The following KCNIP4 variants were observed in gnomAD, a reference collection of about 807,000 sequenced individuals.
The protein encoded by KCNIP4 is potassium voltage-gated channel interacting protein 4.
In KCNIP4, 12 loss-of-function variants were observed where a neutral mutation model predicts 34.0. The observed-to-expected ratio is 0.35, with a 90% CI of 0.23 to 0.57. KCNIP4 has a LOEUF of 0.57. KCNIP4 is among the 20% of genes least tolerant of loss of function. KCNIP4 has a pLI of 0.83. For missense variants in KCNIP4, 238 were observed against 311.7 expected, an observed-to-expected ratio of 0.76 and a Z score of 1.78; for synonymous variants, 124 against 102.2, an observed-to-expected ratio of 1.21 and a Z score of -1.29.
intron 3 of KCNIP4, among the ~76,000 whole-genome samples, chr4:20,801,516 T>A (rs979454688): frequency 6.6e-6 from 1 of 152,022 alleles, no homozygotes; most frequent in African/African-American, 2.4e-5. Flanking sequence ...ATATACAATA[T>A]GAAAAGATGT....
intron 1 of KCNIP4, among the ~76,000 whole-genome samples, chr4:21,321,921 G>A (rs538838253): frequency 6.3e-5 from 9 of 143,800 alleles, no homozygotes; most frequent in African/African-American, 2.3e-4. Context: ...AGGAAGGAAG[G>A]AAAAAGGTGG....
At chr4:20,983,949 A>C in intron 1 of KCNIP4, 1 of 1,535,968 alleles carries the variant, frequency 6.5e-7, no homozygotes, top group East Asian at 2.4e-5. Flanking sequence ...AGAGCATCCC[A>C]GCCTCCAGAC....
chr4:21,131,405 CGA>C (rs1751060871), intron 1 of KCNIP4, among the ~76,000 whole-genome samples: 2 of 152,076 alleles, frequency 1.3e-5, no homozygotes, highest in African/African-American at 4.8e-5. Context: ...GTCAGGAAAT[CGA>C]GACCATCCTG....
chr4:20,984,200 G>A (rs1373312942), intron 1 of KCNIP4, among the ~76,000 whole-genome samples: 1 of 152,242 alleles, frequency 6.6e-6, no homozygotes, highest in East Asian at 1.9e-4. Context: ...GCTGCAGCCA[G>A]CGGGCGAGTA....
At chr4:21,125,894 C>A (rs370447155) in intron 1 of KCNIP4, among the ~76,000 whole-genome samples, 34 of 152,062 alleles carry the variant, frequency 2.2e-4, no homozygotes, top group East Asian at 1.2e-3. Context: ...AGCTTATTTT[C>A]TATTTTATGT....
chr4:21,333,124 TC>T (rs1284754257), intron 1 of KCNIP4, among the ~76,000 whole-genome samples: 3 of 152,104 alleles, frequency 2.0e-5, no homozygotes, highest in African/African-American at 7.2e-5. Flanking sequence ...GTCCCTTCAA[TC>T]CCACAGAAAC....
chr4:21,765,481 T>G (rs1326059329), intron 1 of KCNIP4, among the ~76,000 whole-genome samples: 1 of 152,002 alleles, frequency 6.6e-6, no homozygotes, highest in Non-Finnish European at 1.5e-5. Flanking sequence ...ACTTGCTCCC[T>G]GGGGGAAAAG....
At chr4:21,258,430 C>T (rs184245913) in intron 1 of KCNIP4, among the ~76,000 whole-genome samples, 39 of 152,212 alleles carry the variant, frequency 2.6e-4, no homozygotes, top group African/African-American at 7.0e-4. Context: ...TACGTGACCC[C>T]GACCTTTTCT....
intron 3 of KCNIP4, among the ~76,000 whole-genome samples, chr4:20,797,553 C>A (rs574273472): frequency 6.6e-6 from 1 of 152,304 alleles, no homozygotes; most frequent in Non-Finnish European, 1.5e-5. Flanking sequence ...GATCTTAAGA[C>A]AGAGAATTTA....
intron 1 of KCNIP4, among the ~76,000 whole-genome samples, chr4:21,210,176 T>C (rs942853703): frequency 1.3e-5 from 2 of 152,218 alleles, no homozygotes; most frequent in Admixed American, 6.5e-5. Context: ...TTCACTCAAC[T>C]AGCTGCCTGG....
At chr4:21,022,232 T>G in intron 1 of KCNIP4, among the ~76,000 whole-genome samples, 1 of 152,204 alleles carries the variant, frequency 6.6e-6, no homozygotes, top group Middle Eastern at 3.2e-3. Flanking sequence ...CATTCCACAT[T>G]TTGTTATGAC....
chr4:21,295,651 T>G (rs1006503099), intron 1 of KCNIP4, among the ~76,000 whole-genome samples: 3 of 152,170 alleles, frequency 2.0e-5, no homozygotes, highest in Non-Finnish European at 4.4e-5. Context: ...TCATGTCTCA[T>G]GCACTCATTT....
intron 1 of KCNIP4, among the ~76,000 whole-genome samples, chr4:21,235,754 T>C (rs922195394): frequency 6.6e-6 from 1 of 152,198 alleles, no homozygotes; most frequent in Non-Finnish European, 1.5e-5. Flanking sequence ...GACTGTCACA[T>C]AGCAAGGGCT....
chr4:21,276,055 GGCAGCA>G (rs1432950749), intron 1 of KCNIP4, among the ~76,000 whole-genome samples: 2 of 152,202 alleles, frequency 1.3e-5, no homozygotes, highest in African/African-American at 2.4e-5. Flanking sequence ...GTGGCCTGCA[GGCAGCA>G]GGTTGGACAA....
intron 1 of KCNIP4, among the ~76,000 whole-genome samples, chr4:21,000,420 C>T (rs1738019042): frequency 1.3e-5 from 2 of 152,062 alleles, no homozygotes; most frequent in South Asian, 2.1e-4. Context: ...CACGGTGGCT[C>T]ACGCCTGTAA....
At chr4:21,346,399 A>C (rs1021882266) in intron 1 of KCNIP4, among the ~76,000 whole-genome samples, 1 of 146,598 alleles carries the variant, frequency 6.8e-6, no homozygotes, top group Non-Finnish European at 1.5e-5. Flanking sequence ...TTAACCTGGT[A>C]CTCTTCATAT....
intron 1 of KCNIP4, among the ~76,000 whole-genome samples, chr4:21,439,207 G>A (rs1727229081): frequency 6.6e-6 from 1 of 151,490 alleles, no homozygotes; most frequent in Non-Finnish European, 1.5e-5. Context: ...ACAAGAGGGA[G>A]GTCCTTGTCT....
chr4:21,453,771 C>G (rs1259297858), intron 1 of KCNIP4, among the ~76,000 whole-genome samples: 1 of 152,062 alleles, frequency 6.6e-6, no homozygotes. Flanking sequence ...CTTAAATTGC[C>G]AGATGAACGC....
chr4:21,072,563 A>G (rs1290701697), intron 1 of KCNIP4, among the ~76,000 whole-genome samples: 1 of 152,032 alleles, frequency 6.6e-6, no homozygotes, highest in East Asian at 1.9e-4. Context: ...TCAGATGAGT[A>G]GATTGCAAAA....
Sources: allele counts gnomAD v4.1 joint callset (sites outside exome capture counted in the v4.1 genomes callset), GRCh38; gene constraint gnomAD v4.1.1; transcripts MANE v1.5; gene names NCBI Gene and HGNC (gene_info 2026-07-23, HGNC 2026-07-21).